PYGO1: variants seen among roughly 807,000 people sequenced by gnomAD.
PYGO1 encodes the protein pygopus family PHD finger 1.
In PYGO1, 6 loss-of-function variants were observed where a neutral mutation model predicts 29.5. The observed-to-expected ratio is 0.20, with a 90% CI of 0.11 to 0.40. The LOEUF (loss-of-function observed/expected upper bound fraction) is 0.40. PYGO1 is among the 10% of genes least tolerant of loss of function. The pLI is 1.00. For missense variants in PYGO1, 515 were observed against 514.9 expected (o/e 1.00, Z 0.00); for synonymous variants, 186 against 180.5 (o/e 1.03, Z -0.24).
intron 1 of PYGO1, among the ~76,000 whole-genome samples, chr15:55,579,416 A>C (rs1444635769): frequency 6.6e-6 from 1 of 152,250 alleles, no homozygotes; most frequent in African/African-American, 2.4e-5. Flanking sequence ...CATTTTAACA[A>C]AAGTATAAAT....
In PYGO1 at chr15:55,564,247, T is replaced by C. The variant is rs148340656; in HGVS notation, c.50-15252A>G. 7.1e-3 allele frequency among the ~76,000 whole-genome samples: 1,086 copies of C among 152,318 alleles called. 10 individuals carry two copies. Among genetic ancestry groups the C allele is most frequent in the Middle Eastern group, 0.051 (15 of 294 alleles). On this transcript the variant is annotated intron_variant, in intron 1 of 2. Coordinates refer to ENST00000563719, the MANE Select transcript of PYGO1 (RefSeq NM_001367806.1). ...AACATTACTCAGCCATAAAAAGGAA[T>C]GAAGTACTGATACATGCTACAACAT...
rs1330381392 is a variant in PYGO1, at chr15:55,587,833, A to C, written c.49+2T>G. On this transcript the variant is annotated splice_donor_variant, in intron 1 of 2. Coordinates refer to ENST00000563719, the MANE Select transcript of PYGO1 (RefSeq NM_001367806.1). LOFTEE classifies it high-confidence loss of function. ...CCCCAATCCGGCACCCTTCTCGGTT[A>C]CCTCGAACTCTCTTCAGCGAAATGG... The C allele has an allele frequency of 6.7e-7, 1 of 1,489,444 alleles. No homozygotes were observed. The highest frequency in any genetic ancestry group is 8.9e-7 in the Non-Finnish European group (1 of 1,122,288). 92.3% of individuals were successfully genotyped at this position (1,489,444 alleles called of 1,614,324 possible). A position where few individuals can be genotyped will look rare whatever the true frequency, so the allele number is the denominator to read the frequency against.
chr15:55,587,849 A>G lies in PYGO1; in HGVS notation c.35T>C (p.Leu12Pro). 2 of 1,494,714 alleles carry G rather than the reference A, an allele frequency of 1.3e-6. No individual in the cohort carries two copies. The highest frequency in any genetic ancestry group is 1.8e-6 in the Non-Finnish European group (2 of 1,125,174). The allele number at this position is 1,494,714 out of a possible 1,614,324, so 92.6% of individuals were successfully genotyped here. The change falls in exon 1 of 3, where the codon CTG (leucine) becomes CCG (proline). Residue 12 changes from leucine (L) to proline (P), a missense_variant. By Grantham distance (98) the Leu-to-Pro change is moderately conservative. Coordinates refer to ENST00000563719, the MANE Select transcript of PYGO1 (RefSeq NM_001367806.1). ...TTCTCGGTTACCTCGAACTCTCTTC[A>G]GCGAAATGGGATCCTTCTCCTGTTC... ...SAEQEKDPIS[L>P]KRVRGGDSGL...
At position 55,546,643 on chromosome 15, in the gene PYGO1, A is replaced by C. The variant is rs749363603; in HGVS notation, c.640T>G (p.Ser214Ala). 1.9e-6 allele frequency: 3 copies of C among 1,613,892 alleles called. No individual in the cohort carries two copies. In the South Asian group the frequency reaches 3.3e-5, roughly 18 times the overall value. ...AAAGAATGATTAGATTCTAACGGAG[A>C]AGTAAAATTTGAATTATTTCCAGGA... ...FVPGNNSNFT[S>A]PLESNHSFIP... The change falls in exon 3 of 3, where the codon TCT becomes GCT. Residue 214 changes from serine (S) to alanine (A), a missense_variant. Physicochemically the swap from Ser to Ala is moderately conservative, Grantham distance 99 (BLOSUM62 1). Transcript: ENST00000563719.
In PYGO1 at chr15:55,543,965, C is replaced by T. The variant is rs964885429; in HGVS notation, c.*2058G>A. The T allele has an allele frequency of 2.6e-5, 4 of 152,160 alleles. No individual in the cohort carries two copies. The highest frequency in any genetic ancestry group is 5.9e-5 in the Non-Finnish European group (4 of 68,012). The allele number at this position is 152,160 out of a possible 1,614,324, so 9.4% of individuals were successfully genotyped here. A position where few individuals can be genotyped will look rare whatever the true frequency, so the allele number is the denominator to read the frequency against. On this transcript the variant is annotated 3_prime_UTR_variant, in exon 3 of 3. Coordinates refer to ENST00000563719, the MANE Select transcript of PYGO1 (RefSeq NM_001367806.1). ...CTTCAAGTACACTACTGAACACCAT[C>T]AAATGCCTGTCAGCCCAAAATACTG...
intron 1 of PYGO1, among the ~76,000 whole-genome samples, chr15:55,575,198 C>T (rs2058996256): frequency 6.6e-6 from 1 of 152,014 alleles, no homozygotes; most frequent in Non-Finnish European, 1.5e-5. Context: ...TAAAGATTAC[C>T]ACAAAAGTGT....
chr15:55,586,538 C>T (rs528309803), intron 1 of PYGO1, among the ~76,000 whole-genome samples: 38 of 152,226 alleles, frequency 2.5e-4, no homozygotes, highest in Non-Finnish European at 5.0e-4. Context: ...CCTTTGCTCA[C>T]TTTTCAAGAA....
chr15:55,581,506 C>T (rs1391589050), intron 1 of PYGO1, among the ~76,000 whole-genome samples: 1 of 152,146 alleles, frequency 6.6e-6, no homozygotes, highest in Non-Finnish European at 1.5e-5. Flanking sequence ...AGAAACGTGA[C>T]TCAGTTGTGT....
In PYGO1 at chr15:55,544,556, T is replaced by C. The variant is rs1329667264; in HGVS notation, c.*1467A>G. ...GTTCTTGTGTGTTACCCAAAGGACA[T>C]TGTTTTTAAATCACATTTTCATGCA... On this transcript the variant is annotated 3_prime_UTR_variant, in exon 3 of 3. Coordinates refer to ENST00000563719, the MANE Select transcript of PYGO1 (RefSeq NM_001367806.1). The C allele has an allele frequency of 6.6e-6, 1 of 152,188 alleles. No individual in the cohort carries two copies. The highest frequency in any genetic ancestry group is 6.5e-5 in the Admixed American group (1 of 15,278). The allele number at this position is 152,188 out of a possible 1,614,324, so 9.4% of individuals were successfully genotyped here.
At position 55,588,174 on chromosome 15, in the gene PYGO1, A is replaced by AG. The variant is rs2059058104; in HGVS notation, c.-292dup. 1.4e-5 allele frequency: 6 copies of AG among 427,442 alleles called. No homozygotes were observed. The highest frequency in any genetic ancestry group is 6.5e-5 in the Admixed American group (1 of 15,270). The allele number at this position is 427,442 out of a possible 1,614,324, so 26.5% of individuals were successfully genotyped here. On this transcript the variant is annotated 5_prime_UTR_variant, in exon 1 of 3. Transcript: ENST00000563719. ...CCCCACCCGGGGCCGGCATGTGCTG[A>AG]GGGCGAGTGCGCCGCCGCCGCCGCC...
chr15:55,578,219 C>T (rs1015022028), intron 1 of PYGO1, among the ~76,000 whole-genome samples: 11 of 152,118 alleles, frequency 7.2e-5, no homozygotes, highest in Non-Finnish European at 1.5e-4. Flanking sequence ...TATAAATATA[C>T]CACATTTTGT....
upstream of PYGO1, among the ~76,000 whole-genome samples, chr15:55,588,460 T>TCGGGGGGCGGGGGCCGCTGCCTCGTCC (rs1555427046): frequency 1.4e-5 from 2 of 146,766 alleles, no homozygotes; most frequent in African/African-American, 2.5e-5. Context: ...GGGACGGGCT[T>TCGGGGGGCGGGGGCCGCTGCCTCGTCC]CGGGGGGCGG....
intron 1 of PYGO1, among the ~76,000 whole-genome samples, chr15:55,566,508 T>C (rs988250154): frequency 6.6e-6 from 1 of 152,118 alleles, no homozygotes; most frequent in Non-Finnish European, 1.5e-5. Context: ...TTCCATGTTG[T>C]TGTGATTGTG....
At chr15:55,558,412 C>G (rs1173583128) in intron 1 of PYGO1, among the ~76,000 whole-genome samples, 2 of 152,028 alleles carry the variant, frequency 1.3e-5, no homozygotes, top group Non-Finnish European at 2.9e-5. Flanking sequence ...GTGAAAATGG[C>G]CATACTGCCC....
In PYGO1 at chr15:55,545,905, TAAGTA is replaced by T. The variant is rs1282037315; in HGVS notation, c.*113_*117del. On this transcript the variant is annotated 3_prime_UTR_variant, in exon 3 of 3. Coordinates refer to ENST00000563719, the MANE Select transcript of PYGO1 (RefSeq NM_001367806.1). ...TAGTGATGAAGTGATTAATAAAAAC[TAAGTA>T]AATAATGTTTTTGTGTATGCATTTA... 2 of 1,172,200 alleles carry T rather than the reference TAAGTA, an allele frequency of 1.7e-6. No individual in the cohort carries two copies. Among genetic ancestry groups the T allele is most frequent in the African/African-American group, 1.6e-5 (1 of 64,036 alleles). The allele number at this position is 1,172,200 out of a possible 1,614,324, so 72.6% of individuals were successfully genotyped here. A position where few individuals can be genotyped will look rare whatever the true frequency, so the allele number is the denominator to read the frequency against.
rs1244038608 is a variant in PYGO1 at position 55,540,263 on chromosome 15, A to G, written c.*5760T>C. ...ATTCCAGGTAAATTAGAGGAGTCTT[A>G]CGGTATCTTAATCATGTCTAAATAA... On this transcript the variant is annotated 3_prime_UTR_variant, in exon 3 of 3. Transcript: ENST00000563719. The G allele has an allele frequency of 6.6e-6, 1 of 152,068 alleles. No homozygotes were observed. Among genetic ancestry groups the G allele is most frequent in the Non-Finnish European group, 1.5e-5 (1 of 67,932 alleles). The allele number at this position is 152,068 out of a possible 1,614,324, so 9.4% of individuals were successfully genotyped here. A position where few individuals can be genotyped will look rare whatever the true frequency, so the allele number is the denominator to read the frequency against.
At chr15:55,549,303 C>G (rs974774028) in intron 1 of PYGO1, among the ~76,000 whole-genome samples, 4 of 152,056 alleles carry the variant, frequency 2.6e-5, no homozygotes, top group African/African-American at 9.7e-5. Context: ...TCTGGCCTAC[C>G]TTTCCAAAGA....
At chr15:55,581,378 G>A (rs1011144670) in intron 1 of PYGO1, among the ~76,000 whole-genome samples, 1 of 152,184 alleles carries the variant, frequency 6.6e-6, no homozygotes, top group Non-Finnish European at 1.5e-5. Context: ...ACTTCATGGA[G>A]TGTGAAGAAT....
Position 55,546,618 on chromosome 15 carries a change from A to G in PYGO1, c.665T>C (p.Phe222Ser). 6.2e-7 allele frequency: 1 copy of G among 1,614,036 alleles called. No homozygotes were observed. Among genetic ancestry groups the G allele is most frequent in the Non-Finnish European group, 8.5e-7 (1 of 1,179,976 alleles). Residue 222 changes from phenylalanine to serine, a missense_variant, in exon 3 of 3, where the codon TTT becomes TCT. Phe to Ser is a radical substitution (Grantham distance 155, BLOSUM62 -2). Transcript: ENST00000563719. ...ACCAAAAGTGTTTGGGGGAGGAATAAAAGAATGATTAGATTCTAACGGAGA... is the reference window on the plus strand; with the variant it reads ...ACCAAAAGTGTTTGGGGGAGGAATAGAAGAATGATTAGATTCTAACGGAGA... ...FTSPLESNHS[F>S]IPPPNTFGQA... is the part of the protein sequence containing the mutation.
Sources: gnomAD v4.1 joint callset for allele counts (sites outside exome capture counted in the v4.1 genomes callset) on GRCh38, gnomAD v4.1.1 for gene constraint, MANE v1.5 for transcripts, NCBI Gene and HGNC (gene_info 2026-07-23, HGNC 2026-07-21) for gene names.